The following SH3PXD2A variants were observed in gnomAD, a reference collection of about 807,000 sequenced individuals.
SH3PXD2A encodes SH3 and PX domain-containing protein 2A.
A neutral mutation model predicts 115.2 loss-of-function variants in SH3PXD2A; 32 were observed. The ratio of observed to expected loss-of-function variants is 0.28; its 90% CI spans 0.21 to 0.37. The LOEUF (loss-of-function observed/expected upper bound fraction) is 0.37. SH3PXD2A is among the 10% of genes least tolerant of loss of function. SH3PXD2A has a pLI of 1.00. For synonymous variants in SH3PXD2A, 610 were observed against 629.1 expected, an observed-to-expected ratio of 0.97 and a Z score of 0.45; for missense variants, 1,328 against 1,498.7, an observed-to-expected ratio of 0.89 and a Z score of 1.88.
chr10:103,839,110 C>T (rs2039573068), intron 1 of SH3PXD2A, among the ~76,000 whole-genome samples: 1 of 152,192 alleles, frequency 6.6e-6, no homozygotes, highest in African/African-American at 2.4e-5. Context: ...TGGCTGTGGA[C>T]ATAATCTTCT....
chr10:103,663,778 G>A (rs1385833067), intron 7 of SH3PXD2A, among the ~76,000 whole-genome samples: 3 of 152,256 alleles, frequency 2.0e-5, no homozygotes, highest in Admixed American at 2.0e-4. Context: ...CCTCCTTCCA[G>A]GGAAAGAAAC....
intron 1 of SH3PXD2A, among the ~76,000 whole-genome samples, chr10:103,825,727 G>T (rs560890289): frequency 6.1e-4 from 92 of 152,038 alleles, no homozygotes; most frequent in Non-Finnish European, 1.1e-3. Context: ...GCTGAGAACA[G>T]GGTGCTCCTG....
intron 6 of SH3PXD2A, among the ~76,000 whole-genome samples, chr10:103,681,752 ACG>A (rs1554910409): frequency 1.5e-5 from 2 of 131,982 alleles, no homozygotes; most frequent in African/African-American, 5.5e-5. Context: ...ACACACACAC[ACG>A]CGCCCGCGCG....
chr10:103,596,743 G>A lies in SH3PXD2A; in HGVS notation c.*5073C>T, dbSNP rs1453649338. The stretch of plus-strand genomic sequence containing the variant: ...TCTTAATTATTTAGCAATGTGGACA[G>A]TTCTCTTCCCAGAGAGCTCTGCTTT... On this transcript the variant is annotated 3_prime_UTR_variant, in exon 15 of 15. Transcript: ENST00000369774. 6.6e-6 allele frequency: 1 copy of A among 151,260 alleles called. No homozygotes were observed. The highest frequency in any genetic ancestry group is 1.5e-5 in the Non-Finnish European group (1 of 67,896). 9.4% of individuals were successfully genotyped at this position (151,260 alleles called of 1,614,324 possible). A position where few individuals can be genotyped will look rare whatever the true frequency, so the allele number is the denominator to read the frequency against.
At position 103,756,180 on chromosome 10, in the gene SH3PXD2A, T is replaced by C. The variant is rs1016087047; in HGVS notation, c.229+10914A>G. Among the ~76,000 whole-genome samples the C allele has an allele frequency of 2.6e-5, 4 of 152,150 alleles. No individual in the cohort carries two copies. Among genetic ancestry groups the C allele is most frequent in the African/African-American group, 9.7e-5 (4 of 41,438 alleles). On this transcript the variant is annotated intron_variant, in intron 3 of 14. Coordinates refer to ENST00000369774, the MANE Select transcript of SH3PXD2A (RefSeq NM_001394015.1). The surrounding 1 kb of genome is among the most constrained non-coding windows in gnomAD (Gnocchi z 4.4). The stretch of plus-strand genomic sequence containing the variant: ...GAGGTATTTTCAGCGCCCAGAACGA[T>C]GGATCTGCTGGGTGCCAGGCAGCCC...
At chr10:103,690,380 G>A (rs536427376) in intron 6 of SH3PXD2A, among the ~76,000 whole-genome samples, 5 of 152,328 alleles carry the variant, frequency 3.3e-5, no homozygotes, top group African/African-American at 1.2e-4. Context: ...TAGAGAGCTT[G>A]AAGACAGAGG....
At chr10:103,710,774 G>A (rs1317210100) in intron 5 of SH3PXD2A, among the ~76,000 whole-genome samples, 1 of 152,140 alleles carries the variant, frequency 6.6e-6, no homozygotes, top group Non-Finnish European at 1.5e-5. Flanking sequence ...GTGAGTTTAG[G>A]TGGGGTTAAA....
At chr10:103,649,064 G>T (rs1021287105) in intron 8 of SH3PXD2A, among the ~76,000 whole-genome samples, 1 of 152,182 alleles carries the variant, frequency 6.6e-6, no homozygotes, top group African/African-American at 2.4e-5. Context: ...CTGGCTGAAG[G>T]CTTGCCAACA....
Position 103,600,471 on chromosome 10 carries a change from C to A in SH3PXD2A, c.*1345G>T, listed in dbSNP as rs1257265614. ...GTTGGCTCCAGTCTGACCCAAGGGG[C>A]CAGCCGGGTCCCCCCTCTGCCCATA... On this transcript the variant is annotated 3_prime_UTR_variant, in exon 15 of 15. Coordinates refer to ENST00000369774, the MANE Select transcript of SH3PXD2A (RefSeq NM_001394015.1). 1 of 152,162 alleles carries A rather than the reference C, an allele frequency of 6.6e-6. No homozygotes were observed. The highest frequency in any genetic ancestry group is 1.5e-5 in the Non-Finnish European group (1 of 68,010). 9.4% of individuals were successfully genotyped at this position (152,162 alleles called of 1,614,324 possible). A position where few individuals can be genotyped will look rare whatever the true frequency, so the allele number is the denominator to read the frequency against.
chr10:103,604,357 C>G (rs1221469916), intron 14 of SH3PXD2A, among the ~76,000 whole-genome samples: 1 of 152,192 alleles, frequency 6.6e-6, no homozygotes, highest in African/African-American at 2.4e-5. Flanking sequence ...CACTGAAATC[C>G]CACTAGCTGA....
chr10:103,619,345 C>A (rs2036568887), intron 10 of SH3PXD2A, among the ~76,000 whole-genome samples: 1 of 152,216 alleles, frequency 6.6e-6, no homozygotes, highest in South Asian at 2.1e-4. Context: ...GCCAGAGGGG[C>A]AGCGCCAGGC....
intron 2 of SH3PXD2A, among the ~76,000 whole-genome samples, chr10:103,797,702 A>AT (rs2039105681): frequency 9.0e-6 from 1 of 111,154 alleles, no homozygotes; most frequent in Non-Finnish European, 1.7e-5. Flanking sequence ...TCTGCTTCAG[A>AT]TCTTAGAATC....
intron 6 of SH3PXD2A, among the ~76,000 whole-genome samples, chr10:103,680,968 CT>C (rs1169265277): frequency 6.6e-6 from 1 of 152,218 alleles, no homozygotes; most frequent in Non-Finnish European, 1.5e-5. Flanking sequence ...TTTCCGCCGG[CT>C]TTGTCATCAC....
At chr10:103,674,791 G>T (rs1306784236) in intron 6 of SH3PXD2A, among the ~76,000 whole-genome samples, 3 of 152,194 alleles carry the variant, frequency 2.0e-5, no homozygotes, top group Non-Finnish European at 4.4e-5. Flanking sequence ...CCGCACTCCA[G>T]CCTGGACAAC....
At chr10:103,640,385 G>C (rs1172898263) in intron 8 of SH3PXD2A, among the ~76,000 whole-genome samples, 4 of 151,962 alleles carry the variant, frequency 2.6e-5, no homozygotes, top group African/African-American at 9.7e-5. Context: ...GGGAGGAGGG[G>C]TCTCCTGGGC....
intron 1 of SH3PXD2A, among the ~76,000 whole-genome samples, chr10:103,817,486 G>A (rs1245757203): frequency 6.6e-6 from 1 of 152,130 alleles, no homozygotes; most frequent in Non-Finnish European, 1.5e-5. Flanking sequence ...GATCACAGAT[G>A]TGCACCACCA....
intron 2 of SH3PXD2A, among the ~76,000 whole-genome samples, chr10:103,781,039 T>C (rs2038927113): frequency 6.6e-6 from 1 of 152,132 alleles, no homozygotes; most frequent in African/African-American, 2.4e-5. Flanking sequence ...CACAGCTCCC[T>C]CCTCCCCATC....
intron 9 of SH3PXD2A, among the ~76,000 whole-genome samples, chr10:103,624,262 C>G (rs2036656267): frequency 6.6e-6 from 1 of 152,338 alleles, no homozygotes; most frequent in East Asian, 1.9e-4. Flanking sequence ...GGGTACACGC[C>G]TTTGGTACAG....
At chr10:103,721,310 T>C (rs12220358) in intron 5 of SH3PXD2A, among the ~76,000 whole-genome samples, 1 of 151,992 alleles carries the variant, frequency 6.6e-6, no homozygotes, top group Non-Finnish European at 1.5e-5. Context: ...ATTGAGCAAA[T>C]GGCCAAAGAT....
Sources: gnomAD v4.1 joint callset for allele counts (sites outside exome capture counted in the v4.1 genomes callset) on GRCh38, gnomAD v4.1.1 for gene constraint, Gnocchi (gnomAD v3.1) non-coding constraint, MANE v1.5 for transcripts, NCBI Gene and HGNC (gene_info 2026-07-23, HGNC 2026-07-21) for gene names.